HCN4: variants seen among roughly 807,000 people sequenced by gnomAD.
HCN4 encodes the protein hyperpolarization activated cyclic nucleotide gated potassium channel 4.
HCN4 carries 29 observed loss-of-function variants against 76.9 expected under a neutral mutation model. That is an observed-to-expected ratio of 0.38 (90% confidence interval 0.28 to 0.51). The LOEUF (loss-of-function observed/expected upper bound fraction) is 0.51. Among genes scored for constraint, HCN4 ranks in the 20% least tolerant of loss-of-function variants. The probability of loss-of-function intolerance (pLI) is 0.90; values close to 1 mark genes in which losing one functional copy is unlikely to be tolerated. For synonymous variants in HCN4, 772 were observed against 762.5 expected, an observed-to-expected ratio of 1.01 and a Z score of -0.21; for missense variants, 1,416 against 1,715.2, an observed-to-expected ratio of 0.83 and a Z score of 3.08.
At chr15:73,347,467 G>A (rs1374703324) in intron 1 of HCN4, among the ~76,000 whole-genome samples, 8 of 152,122 alleles carry the variant, frequency 5.3e-5, no homozygotes. Flanking sequence ...GGATTTGGGG[G>A]GCCCATGCTC....
At chr15:73,365,493 A>G (rs1208672469) in intron 1 of HCN4, among the ~76,000 whole-genome samples, 1 of 152,184 alleles carries the variant, frequency 6.6e-6, no homozygotes, top group Admixed American at 6.5e-5. Context: ...TCCTGCAGCC[A>G]TGTCCCAGGC....
Position 73,337,023 on chromosome 15 carries a change from C to T in HCN4, c.1210-4731G>A, listed in dbSNP as rs564243292. On this transcript the variant is annotated intron_variant, in intron 2 of 7. Coordinates refer to ENST00000261917, the MANE Select transcript of HCN4 (RefSeq NM_005477.3). Reference sequence around the variant, plus strand: ...CCTTCATGTCCTTGAATGCCCCAGGCCAGTTCGTGCTTGCCCCAGGCCCTC... The same window carrying T: ...CCTTCATGTCCTTGAATGCCCCAGGTCAGTTCGTGCTTGCCCCAGGCCCTC... Among the ~76,000 whole-genome samples, 10 of 152,314 alleles carry T rather than the reference C, an allele frequency of 6.6e-5. No individual in the cohort carries two copies. The South Asian group carries it at 2.1e-3, about 32-fold the overall frequency.
intron 1 of HCN4, among the ~76,000 whole-genome samples, chr15:73,360,697 G>A (rs2043101368): frequency 6.6e-6 from 1 of 152,108 alleles, no homozygotes; most frequent in South Asian, 2.1e-4. Context: ...CTATTTGGAG[G>A]CCATCGTGAA....
At position 73,350,112 on chromosome 15, in the gene HCN4, G is replaced by A. The variant is rs188425611; in HGVS notation, c.786-6304C>T. Reference sequence around the variant, plus strand: ...TCTTTCCTGCCGGCTCTTCTATTCAGTTGTGCTGCACCTGTTTTTCAGAGT... The same window carrying A: ...TCTTTCCTGCCGGCTCTTCTATTCAATTGTGCTGCACCTGTTTTTCAGAGT... On this transcript the variant is annotated intron_variant, in intron 1 of 7. Transcript: ENST00000261917. Among the ~76,000 whole-genome samples the A allele has an allele frequency of 2.8e-4, 42 of 152,222 alleles. 1 individual carries two copies. The highest frequency in any genetic ancestry group is 3.4e-3 in the Middle Eastern group (1 of 294).
chr15:73,368,589 C>A lies in HCN4; in HGVS notation c.-319G>T. The A allele has an allele frequency of 5.1e-6, 1 of 197,750 alleles. No homozygotes were observed. The highest frequency in any genetic ancestry group is 1.0e-5 in the Non-Finnish European group (1 of 98,126). 12.2% of individuals were successfully genotyped at this position (197,750 alleles called of 1,614,324 possible). ...GCCGCCCGGCTCCAGGCGCCCCGCC[C>A]CCGCGGGGAACAATGGGCGCCGGCC... On this transcript the variant is annotated 5_prime_UTR_variant, in exon 1 of 8. Transcript: ENST00000261917. The surrounding 1 kb of genome is among the most constrained non-coding windows in gnomAD (Gnocchi z 6.9).
rs558122534 is a variant in HCN4 at position 73,343,307 on chromosome 15, T to C, written c.1209+78A>G. The C allele has an allele frequency of 7.1e-7, 1 of 1,403,964 alleles. No homozygotes were observed. The highest frequency in any genetic ancestry group is 1.9e-5 in the Admixed American group (1 of 53,936). 87.0% of individuals were successfully genotyped at this position (1,403,964 alleles called of 1,614,324 possible). A position where few individuals can be genotyped will look rare whatever the true frequency, so the allele number is the denominator to read the frequency against. ...CAATCTGACAGCCTATGTTCAATTA[T>C]CTGAGGTTCCCTGCCAGTTCCTCAC... On this transcript the variant is annotated intron_variant, in intron 2 of 7. Coordinates refer to ENST00000261917, the MANE Select transcript of HCN4 (RefSeq NM_005477.3). This position sits in a 1 kb window ranked among gnomAD's most constrained non-coding sequence, Gnocchi z 5.7.
rs565795330 is a variant in HCN4 at position 73,323,360 on chromosome 15, G to A, written c.2733C>T (p.His911=). 7.6e-6 allele frequency: 12 copies of A among 1,577,782 alleles called. No homozygotes were observed. The African/African-American group carries it at 1.1e-4, about 14-fold the overall frequency. Residue 911 remains histidine (H), a synonymous_variant, in exon 8 of 8, where the codon CAC becomes CAT. Coordinates refer to ENST00000261917, the MANE Select transcript of HCN4 (RefSeq NM_005477.3). ...AGGACAGGGAGCCACCCAGCGCCTT[G>A]TGGAAGTGGCCAAACCCGGCTATGG... ...ATTIAGFGHF[H]KALGGSLSSS...
Position 73,367,964 on chromosome 15 carries a change from G to T in HCN4, c.307C>A (p.Leu103Met). 7.4e-7 allele frequency: 1 copy of T among 1,347,380 alleles called. No homozygotes were observed. The highest frequency in any genetic ancestry group is 9.5e-7 in the Non-Finnish European group (1 of 1,055,288). The allele number at this position is 1,347,380 out of a possible 1,614,324, so 83.5% of individuals were successfully genotyped here. A position where few individuals can be genotyped will look rare whatever the true frequency, so the allele number is the denominator to read the frequency against. The part of the protein sequence containing the change: ...CRRFRGSLAS[L>M]GSRGGGSGGT... ...CCGCTGCCGCCGCCCCGGCTGCCCA[G>T]CGAGGCCAGGCTCCCGCGGAAGCGC... The change falls in exon 1 of 8, where the codon CTG becomes ATG. Residue 103 changes from leucine to methionine, a missense_variant. Physicochemically the swap from Leu to Met is conservative, Grantham distance 15 (BLOSUM62 2). Coordinates refer to ENST00000261917, the MANE Select transcript of HCN4 (RefSeq NM_005477.3). The surrounding 1 kb of genome is among the most constrained non-coding windows in gnomAD (Gnocchi z 7.5).
At chr15:73,341,994 G>A (rs1227785058) in intron 2 of HCN4, among the ~76,000 whole-genome samples, 1 of 152,210 alleles carries the variant, frequency 6.6e-6, no homozygotes, top group Non-Finnish European at 1.5e-5. Flanking sequence ...AGTCAGCCAC[G>A]CGGCACAGGG....
intron 1 of HCN4, among the ~76,000 whole-genome samples, chr15:73,364,855 G>GC (rs2043121626): frequency 1.3e-5 from 2 of 152,218 alleles, no homozygotes; most frequent in African/African-American, 4.8e-5. Flanking sequence ...TCCTCCCCCA[G>GC]CAATGGGAGA....
rs2043143716 is a variant in HCN4, at chr15:73,368,833, G to A, written c.-563C>T. Reference sequence around the variant, plus strand: ...CCGCCGCAACCGAGCGGAGCCCAGCGACCCGCCGGGCTTACATCAGCGGCC... The same window carrying A: ...CCGCCGCAACCGAGCGGAGCCCAGCAACCCGCCGGGCTTACATCAGCGGCC... On this transcript the variant is annotated 5_prime_UTR_variant, in exon 1 of 8. Coordinates refer to ENST00000261917, the MANE Select transcript of HCN4 (RefSeq NM_005477.3). This position sits in a 1 kb window ranked among gnomAD's most constrained non-coding sequence, Gnocchi z 6.9. 2.6e-5 allele frequency: 4 copies of A among 152,122 alleles called. No individual in the cohort carries two copies. Among genetic ancestry groups the A allele is most frequent in the African/African-American group, 4.8e-5 (2 of 41,444 alleles). 9.4% of individuals were successfully genotyped at this position (152,122 alleles called of 1,614,324 possible). A position where few individuals can be genotyped will look rare whatever the true frequency, so the allele number is the denominator to read the frequency against.
Position 73,322,687 on chromosome 15 carries a change from C to T in HCN4, c.3406G>A (p.Gly1136Ser), listed in dbSNP as rs761421530. The change falls in exon 8 of 8, where the codon GGT (glycine) becomes AGT (serine). Residue 1136 changes from glycine (G) to serine (S), a missense_variant. By Grantham distance (56) the Gly-to-Ser change is moderately conservative. Around this residue, in one of 6 missense-constraint regions of HCN4, gnomAD observed 633 missense variants for 579.8 expected, o/e 1.09. Coordinates refer to ENST00000261917, the MANE Select transcript of HCN4 (RefSeq NM_005477.3). ...SGGSGSSGGL[G>S]PPGRPYGAIP... The stretch of plus-strand genomic sequence containing the variant: ...GCACCATAGGGCCTCCCAGGGGGAC[C>T]GAGGCCCCCGCTGCTCCCACTGCCC... 46 of 1,585,894 alleles carry T rather than the reference C, an allele frequency of 2.9e-5. No individual in the cohort carries two copies. The highest frequency in any genetic ancestry group is 5.4e-5 in the Admixed American group (3 of 55,812).
At chr15:73,363,521 A>G (rs2043115811) in intron 1 of HCN4, among the ~76,000 whole-genome samples, 1 of 152,204 alleles carries the variant, frequency 6.6e-6, no homozygotes, top group South Asian at 2.1e-4. Flanking sequence ...GATGGCCTAG[A>G]GAGGGGTTCA....
chr15:73,340,061 C>G (rs537863567), intron 2 of HCN4, among the ~76,000 whole-genome samples: 2 of 152,294 alleles, frequency 1.3e-5, no homozygotes, highest in African/African-American at 4.8e-5. Context: ...AGGCCTGACT[C>G]AAGGCCTCCT....
At chr15:73,332,046 A>C (rs2042936247) in intron 3 of HCN4, 85 bp downstream of exon 3, 2 of 1,352,330 alleles carry the variant, frequency 1.5e-6, no homozygotes, top group African/African-American at 2.9e-5. Flanking sequence ...GCTGGAACTC[A>C]GAAGTTCCAA....
At chr15:73,361,248 T>A (rs1252953026) in intron 1 of HCN4, among the ~76,000 whole-genome samples, 2 of 152,134 alleles carry the variant, frequency 1.3e-5, no homozygotes, top group African/African-American at 4.8e-5. Context: ...CACCTCTCTG[T>A]GCTGCCTCCC....
At position 73,328,584 on chromosome 15, in the gene HCN4, C is replaced by T. The variant is rs576667174; in HGVS notation, c.1590+989G>A. The stretch of plus-strand genomic sequence containing the variant: ...ACACAGGGGAGCTTACTTGCAACCC[C>T]CACAGCCTGATGCCCAGTACCACCC... On this transcript the variant is annotated intron_variant, in intron 4 of 7. Coordinates refer to ENST00000261917, the MANE Select transcript of HCN4 (RefSeq NM_005477.3). The surrounding 1 kb of genome is among the most constrained non-coding windows in gnomAD (Gnocchi z 4.0). 6.6e-6 allele frequency among the ~76,000 whole-genome samples: 1 copy of T among 152,170 alleles called. No homozygotes were observed. The highest frequency in any genetic ancestry group is 2.0e-4 in the East Asian group (1 of 5,120).
Position 73,321,189 on chromosome 15 carries a change from C to G in HCN4, c.*1292G>C, listed in dbSNP as rs545383352. 1 of 152,312 alleles carries G rather than the reference C, an allele frequency of 6.6e-6. No homozygotes were observed. The highest frequency in any genetic ancestry group is 2.1e-4 in the South Asian group (1 of 4,818). The allele number at this position is 152,312 out of a possible 1,614,324, so 9.4% of individuals were successfully genotyped here. A position where few individuals can be genotyped will look rare whatever the true frequency, so the allele number is the denominator to read the frequency against. Reference sequence around the variant, plus strand: ...AGATAACTTGCCCAAGATCATACAGCTAAGAAGTGGCAGGGCTGGGATTCA... The same window carrying G: ...AGATAACTTGCCCAAGATCATACAGGTAAGAAGTGGCAGGGCTGGGATTCA... On this transcript the variant is annotated 3_prime_UTR_variant, in exon 8 of 8. Transcript: ENST00000261917.
At chr15:73,334,109 C>T (rs548077449) in intron 2 of HCN4, among the ~76,000 whole-genome samples, 2 of 152,200 alleles carry the variant, frequency 1.3e-5, no homozygotes, top group Non-Finnish European at 2.9e-5. Context: ...GCCTCCCCAG[C>T]CCCTGCACAC....
Sources: allele counts gnomAD v4.1 joint callset (sites outside exome capture counted in the v4.1 genomes callset), GRCh38; gene constraint gnomAD v4.1.1; regional missense constraint gnomAD v4.1.1; non-coding constraint Gnocchi (gnomAD v3.1); transcripts MANE v1.5; gene names NCBI Gene and HGNC (gene_info 2026-07-23, HGNC 2026-07-21).